NUP210L: variants seen among roughly 807,000 people sequenced by gnomAD.
NUP210L encodes the protein nuclear pore membrane glycoprotein 210-like.
In NUP210L, 74 loss-of-function variants were observed where a neutral mutation model predicts 208.5. The ratio of observed to expected loss-of-function variants is 0.35; its 90% CI spans 0.29 to 0.43. The LOEUF (loss-of-function observed/expected upper bound fraction) is 0.43, where lower values mean the gene tolerates loss of function less well. Among genes scored for constraint, NUP210L ranks in the 20% least tolerant of loss-of-function variants. The probability of loss-of-function intolerance (pLI) is 1.00; values close to 1 mark genes in which losing one functional copy is unlikely to be tolerated. For missense variants in NUP210L, 1,843 were observed against 2,289.4 expected (o/e 0.81, Z 3.98); for synonymous variants, 780 against 816.9 (o/e 0.95, Z 0.77).
intron 16 of NUP210L, among the ~76,000 whole-genome samples, chr1:154,070,937 A>G (rs990879572): frequency 6.6e-6 from 1 of 152,190 alleles, no homozygotes; most frequent in Non-Finnish European, 1.5e-5. Flanking sequence ...GTTTAGATCT[A>G]GAAGTTAATC....
At chr1:154,123,144 T>C (rs1201843510) in intron 10 of NUP210L, among the ~76,000 whole-genome samples, 1 of 151,806 alleles carries the variant, frequency 6.6e-6, no homozygotes, top group African/African-American at 2.4e-5. Context: ...CCAATGTCAG[T>C]TGTATTTCTT....
At chr1:154,022,675 CT>C (rs375659718) in intron 31 of NUP210L, among the ~76,000 whole-genome samples, 2,188 of 115,000 alleles carry the variant, frequency 0.019, 28 homozygotes, top group Middle Eastern at 0.057. Flanking sequence ...TAAGTCTGGT[CT>C]TTTTTTTTTT....
intron 37 of NUP210L, among the ~76,000 whole-genome samples, chr1:154,000,324 T>C (rs981458012): frequency 6.6e-6 from 1 of 152,188 alleles, no homozygotes; most frequent in African/African-American, 2.4e-5. Flanking sequence ...GTGGGGAATA[T>C]GTTCCAAGAC....
exon 39 of NUP210L, chr1:153,993,042 C>T (rs1409125024): frequency 6.2e-7 from 1 of 1,613,678 alleles, no homozygotes; most frequent in Non-Finnish European, 8.5e-7. Context: ...AGAGTTGGTA[C>T]ATACACAACT....
chr1:154,032,618 A>G (rs1256466296), intron 27 of NUP210L, among the ~76,000 whole-genome samples: 1 of 151,802 alleles, frequency 6.6e-6, no homozygotes, highest in Non-Finnish European at 1.5e-5. Flanking sequence ...CTCCTGCCTC[A>G]GCCTCCTGAG....
intron 12 of NUP210L, 131 bp downstream of exon 12, chr1:154,117,594 A>AG (rs1221341534): frequency 1.4e-6 from 1 of 703,706 alleles, no homozygotes; most frequent in African/African-American, 1.9e-5. Flanking sequence ...CAAAAAAAAA[A>AG]GTATTTCTTG....
chr1:154,153,510 A>G (rs1659509529), intron 1 of NUP210L, among the ~76,000 whole-genome samples: 1 of 152,078 alleles, frequency 6.6e-6, no homozygotes, highest in South Asian at 2.1e-4. Flanking sequence ...GGCTTTCATC[A>G]TGTTGGCCAG....
intron 35 of NUP210L, among the ~76,000 whole-genome samples, chr1:154,003,363 A>C (rs546506469): frequency 6.6e-6 from 1 of 151,758 alleles, no homozygotes; most frequent in Non-Finnish European, 1.5e-5. Flanking sequence ...GCCTGCCACC[A>C]CATCCGGCTA....
chr1:154,017,298 G>A (rs3008665), intron 33 of NUP210L, among the ~76,000 whole-genome samples: 40,142 of 99,312 alleles, frequency 0.4, 7,603 homozygotes, highest in East Asian at 0.74. Flanking sequence ...AAAAAAAAAA[G>A]GGGGGGGCTC....
At position 154,072,307 on chromosome 1, in the gene NUP210L, T is replaced by A. The variant is rs182304882; in HGVS notation, c.2362-1842A>T. ...ACATCTATTATTTTTTGTATTTTTT[T>A]ATTTTAATTATGGCCATTCCTTTTT... On this transcript the variant is annotated intron_variant, in intron 16 of 39. Coordinates refer to ENST00000368559, the Ensembl canonical transcript of NUP210L. Among the ~76,000 whole-genome samples the A allele has an allele frequency of 2.6e-5, 4 of 151,598 alleles. No homozygotes were observed. In the East Asian group the frequency reaches 5.8e-4, roughly 22 times the overall value.
intron 25 of NUP210L, among the ~76,000 whole-genome samples, chr1:154,047,786 G>T (rs1653268941): frequency 6.6e-6 from 1 of 152,084 alleles, no homozygotes. Flanking sequence ...CTATATTTCT[G>T]TGTGTGTGTC....
At chr1:154,115,002 T>C (rs1657248887) in intron 12 of NUP210L, among the ~76,000 whole-genome samples, 1 of 152,206 alleles carries the variant, frequency 6.6e-6, no homozygotes, top group Non-Finnish European at 1.5e-5. Context: ...CGGATTGATT[T>C]ACCTGTTAAA....
chr1:154,152,970 C>T, intron 1 of NUP210L, 98 bp from the exon 2 acceptor site: 2 of 1,021,310 alleles, frequency 2.0e-6, no homozygotes, highest in Non-Finnish European at 3.0e-6. Context: ...TACATACTAC[C>T]AGGTATATGT....
exon 31 of NUP210L, chr1:154,023,276 G>C (rs769919106): frequency 1.2e-6 from 2 of 1,610,354 alleles, no homozygotes; most frequent in Non-Finnish European, 1.7e-6. Flanking sequence ...CTGCTCACTC[G>C]CAGGTATGTC....
At chr1:154,136,495 C>CAG (rs910709154) in intron 6 of NUP210L, among the ~76,000 whole-genome samples, 7 of 150,312 alleles carry the variant, frequency 4.7e-5, no homozygotes, top group Non-Finnish European at 7.4e-5. Context: ...TATATATATA[C>CAG]AGAGAGAGAG....
chr1:154,100,172 G>A (rs1381553810), intron 13 of NUP210L, 29 bp from the exon 14 acceptor site: 1 of 1,611,554 alleles, frequency 6.2e-7, no homozygotes, highest in Non-Finnish European at 8.5e-7. Context: ...GATTTTGGCA[G>A]GGCGTGGTGG....
intron 16 of NUP210L, chr1:154,079,624 C>T (rs1482666207): frequency 6.6e-6 from 1 of 151,450 alleles, no homozygotes; most frequent in Non-Finnish European, 1.5e-5. Context: ...CAATGAGAAG[C>T]ACATTATCTT....
chr1:154,146,612 T>TCCCCCCCCCCCCCC (rs1413043976), intron 2 of NUP210L, among the ~76,000 whole-genome samples: 2 of 57,330 alleles, frequency 3.5e-5, no homozygotes, highest in African/African-American at 7.1e-5. Context: ...CAAGATCCCA[T>TCCCCCCCCCCCCCC]CCCCCCTCCC....
chr1:154,045,379 A>C (rs972617303), intron 27 of NUP210L, among the ~76,000 whole-genome samples: 1 of 152,214 alleles, frequency 6.6e-6, no homozygotes, highest in South Asian at 2.1e-4. Flanking sequence ...TAAAAAATAA[A>C]AATTGTATAT....
Sources: allele counts gnomAD v4.1 joint callset (sites outside exome capture counted in the v4.1 genomes callset), GRCh38; gene constraint gnomAD v4.1.1; transcripts MANE v1.5; gene names NCBI Gene and HGNC (gene_info 2026-07-23, HGNC 2026-07-21).